The following NXNL1 variants were observed in gnomAD, a reference collection of about 807,000 sequenced individuals.
NXNL1 encodes nucleoredoxin like 1.
A neutral mutation model predicts 7.2 loss-of-function variants in NXNL1; 6 were observed. That is an observed-to-expected ratio of 0.83 (90% confidence interval 0.46 to 1.64). The LOEUF is 1.64. Among genes scored for constraint, NXNL1 ranks in the 40% most tolerant of loss-of-function variants. The pLI is 0.01. For synonymous variants in NXNL1, 133 were observed against 127.2 expected, an observed-to-expected ratio of 1.05 and a Z score of -0.31; for missense variants, 308 against 285.1, an observed-to-expected ratio of 1.08 and a Z score of -0.58.
chr19:17,457,256 T>C (rs376272132), intron 1 of NXNL1, among the ~76,000 whole-genome samples: 48 of 152,200 alleles, frequency 3.2e-4, no homozygotes, highest in African/African-American at 1.1e-3. Flanking sequence ...ATAAATACAC[T>C]AGTTAAATTT....
chr19:17,455,676 C>CA lies in NXNL1; in HGVS notation c.609_610insT (p.Glu204Ter). The CA allele has an allele frequency of 1.6e-6, 2 of 1,244,384 alleles. No homozygotes were observed. The highest frequency in any genetic ancestry group is 2.2e-6 in the Non-Finnish European group (2 of 889,054). The allele number at this position is 1,244,384 out of a possible 1,614,324, so 77.1% of individuals were successfully genotyped here. A position where few individuals can be genotyped will look rare whatever the true frequency, so the allele number is the denominator to read the frequency against. On this transcript the variant is annotated frameshift_variant, in exon 2 of 2. Coordinates refer to ENST00000301944, the MANE Select transcript of NXNL1 (RefSeq NM_138454.2). LOFTEE classifies it high-confidence loss of function. The stretch of plus-strand genomic sequence containing the variant: ...AACAGCCCCCCGGCCCCGCCCTCCT[C>CA]CCCACCCCCTCCCCCGGGGTCGCGC...
chr19:17,457,067 A>AAC (rs1171057580), intron 1 of NXNL1, among the ~76,000 whole-genome samples: 1 of 111,690 alleles, frequency 9.0e-6, no homozygotes, highest in African/African-American at 3.4e-5. Flanking sequence ...AACAACAAAC[A>AAC]ACATATATAT....
intron 1 of NXNL1, among the ~76,000 whole-genome samples, chr19:17,458,103 T>C (rs1418510238): frequency 6.6e-6 from 1 of 152,218 alleles, no homozygotes; most frequent in African/African-American, 2.4e-5. Flanking sequence ...CGTATTTGTA[T>C]TGTAGACAAA....
chr19:17,458,514 T>C (rs1274973129), intron 1 of NXNL1, among the ~76,000 whole-genome samples: 2 of 151,732 alleles, frequency 1.3e-5, no homozygotes, highest in Admixed American at 6.6e-5. Flanking sequence ...AGCCTGAACG[T>C]TTTTTTCATA....
rs1458614685 is a variant in NXNL1, at chr19:17,460,778, T to C, written c.92A>G (p.Glu31Gly). 6.2e-7 allele frequency: 1 copy of C among 1,613,692 alleles called. No individual in the cohort carries two copies. Among genetic ancestry groups the C allele is most frequent in the Non-Finnish European group, 8.5e-7 (1 of 1,180,030 alleles). ...DTEAEVSRRL[E>G]NRLVLLFFGA... ...AAAGAACAGCAGCACCAGCCGGTTCTCCAGCCTGCGACTGACCTCAGCCTC... is the reference window on the plus strand; with the variant it reads ...AAAGAACAGCAGCACCAGCCGGTTCCCCAGCCTGCGACTGACCTCAGCCTC... Residue 31 changes from glutamate to glycine, a missense_variant, in exon 1 of 2, where the codon GAG (glutamate) becomes GGG (glycine). Transcript: ENST00000301944.
chr19:17,457,073 T>G (rs1249550895), intron 1 of NXNL1, among the ~76,000 whole-genome samples: 3 of 142,972 alleles, frequency 2.1e-5, no homozygotes, highest in Non-Finnish European at 4.6e-5. Flanking sequence ...AAACAACATA[T>G]ATATATGACA....
rs1195411700 is a variant in NXNL1 at position 17,455,865 on chromosome 19, T to G, written c.421A>C (p.Ile141Leu). 6 of 1,589,388 alleles carry G rather than the reference T, an allele frequency of 3.8e-6. No individual in the cohort carries two copies. The highest frequency in any genetic ancestry group is 5.1e-6 in the Non-Finnish European group (6 of 1,174,620). Residue 141 changes from isoleucine to leucine, a missense_variant, in exon 2 of 2, where the codon ATC becomes CTC. Coordinates refer to ENST00000301944, the MANE Select transcript of NXNL1 (RefSeq NM_138454.2). The part of the protein sequence containing the change: ...DVLTRDGADE[I>L]QRLGTACFAN... ...AAGCAGGCGGTGCCCAGGCGCTGGA[T>G]CTCGTCGGCGCCGTCGCGAGTGAGC...
At position 17,455,680 on chromosome 19, in the gene NXNL1, A is replaced by ACCC; in HGVS notation, c.603_605dup (p.Gly203dup). ...GCCCCCCGGCCCCGCCCTCCTCCCC[A>ACCC]CCCCCTCCCCCGGGGTCGCGCCCGC... is the stretch of plus-strand genomic sequence containing the variant. On this transcript the variant is annotated inframe_insertion, in exon 2 of 2. Transcript: ENST00000301944. 2 of 413,168 alleles carry ACCC rather than the reference A, an allele frequency of 4.8e-6. No homozygotes were observed. The highest frequency in any genetic ancestry group is 6.9e-6 in the Non-Finnish European group (2 of 291,036). 25.6% of individuals were successfully genotyped at this position (413,168 alleles called of 1,614,324 possible). A position where few individuals can be genotyped will look rare whatever the true frequency, so the allele number is the denominator to read the frequency against.
chr19:17,458,890 C>G (rs8105263), intron 1 of NXNL1, among the ~76,000 whole-genome samples: 32,248 of 151,968 alleles, frequency 0.21, 3,536 homozygotes, highest in African/African-American at 0.26. Context: ...AGGCATGAGC[C>G]ACCGCACCAA....
rs1327422280 is a variant in NXNL1, at chr19:17,457,191, G to A, written c.327-1232C>T. Among the ~76,000 whole-genome samples the A allele has an allele frequency of 2.6e-5, 4 of 151,480 alleles. No individual in the cohort carries two copies. In the East Asian group the frequency reaches 5.8e-4, roughly 22 times the overall value. On this transcript the variant is annotated intron_variant, in intron 1 of 1. Transcript: ENST00000301944. ...GGTGGGAGGATTGCTTGAGCCCAAC[G>A]GTTTGAGACCAGCTTCAGCAACATA...
At chr19:17,457,831 C>T (rs529396397) in intron 1 of NXNL1, among the ~76,000 whole-genome samples, 9 of 152,308 alleles carry the variant, frequency 5.9e-5, no homozygotes, top group Admixed American at 3.9e-4. Context: ...GGGAAGGAAG[C>T]GTTGCTAGCG....
At chr19:17,456,264 A>C (rs1247612708) in intron 1 of NXNL1, among the ~76,000 whole-genome samples, 1 of 151,694 alleles carries the variant, frequency 6.6e-6, no homozygotes, top group Non-Finnish European at 1.5e-5. Context: ...ATCGCAAGAC[A>C]CAAGGTCTTA....
At position 17,460,546 on chromosome 19, in the gene NXNL1, C is replaced by G; in HGVS notation, c.324G>C (p.Arg108Ser). 6.2e-7 allele frequency: 1 copy of G among 1,600,268 alleles called. No homozygotes were observed. Among genetic ancestry groups the G allele is most frequent in the East Asian group, 2.2e-5 (1 of 44,882 alleles). Residue 108 changes from arginine to serine, a missense_variant and splice_region_variant, in exon 1 of 2, where the codon AGG (arginine) becomes AGC (serine). Physicochemically the swap from Arg to Ser is moderately radical, Grantham distance 110. Transcript: ENST00000301944. Reference sequence around the variant, plus strand: ...AAGCCCTCCCTGCCCCTCCTCACCTCCTCAGATCATCCTCAAAGGGCAGGA... The same window carrying G: ...AAGCCCTCCCTGCCCCTCCTCACCTGCTCAGATCATCCTCAAAGGGCAGGA... ...WLFLPFEDDL[R>S]RDLGRQFSVE...
Position 17,455,764 on chromosome 19 carries a change from T to C in NXNL1, c.522A>G (p.Pro174=). The change falls in exon 2 of 2, where the codon CCA becomes CCG. Residue 174 remains proline (P), a synonymous_variant. Coordinates refer to ENST00000301944, the MANE Select transcript of NXNL1 (RefSeq NM_138454.2). The part of the protein sequence containing the change: ...QLPEDLEDQE[P]RSLTECLRRH... ...GGCGCAGGCACTCGGTGAGGCTCCG[T>C]GGCTCCTGGTCCTCCAGGTCCTCTG... The C allele has an allele frequency of 1.3e-6, 2 of 1,532,510 alleles. No homozygotes were observed. Among genetic ancestry groups the C allele is most frequent in the Non-Finnish European group, 1.7e-6 (2 of 1,143,866 alleles). The allele number at this position is 1,532,510 out of a possible 1,614,324, so 94.9% of individuals were successfully genotyped here.
rs1219504339 is a variant in NXNL1, at chr19:17,460,705, C to T, written c.165G>A (p.Lys55=). The change falls in exon 1 of 2, where the codon AAG becomes AAA. Residue 55 remains lysine, a synonymous_variant. Transcript: ENST00000301944. ...PQCQAFVPIL[K]DFFVRLTDEF... Reference sequence around the variant, plus strand: ...CATCTGTGAGCCGCACGAAGAAGTCCTTGAGGATGGGCACGAAGGCCTGGC... The same window carrying T: ...CATCTGTGAGCCGCACGAAGAAGTCTTTGAGGATGGGCACGAAGGCCTGGC... 1 of 1,613,692 alleles carries T rather than the reference C, an allele frequency of 6.2e-7. No homozygotes were observed. The highest frequency in any genetic ancestry group is 1.3e-5 in the African/African-American group (1 of 74,922).
Position 17,455,673 on chromosome 19 carries a change from C to CA in NXNL1, c.612_613insT (p.Glu205Ter). ...CAGAACAGCCCCCCGGCCCCGCCCT[C>CA]CTCCCCACCCCCTCCCCCGGGGTCG... is the stretch of plus-strand genomic sequence containing the variant. On this transcript the variant is annotated frameshift_variant, in exon 2 of 2. Transcript: ENST00000301944. LOFTEE classifies it high-confidence loss of function. 7 of 1,066,634 alleles carry CA rather than the reference C, an allele frequency of 6.6e-6. No homozygotes were observed. The highest frequency in any genetic ancestry group is 8.1e-6 in the Non-Finnish European group (6 of 738,300). The allele number at this position is 1,066,634 out of a possible 1,614,324, so 66.1% of individuals were successfully genotyped here.
chr19:17,455,449 C>T lies in NXNL1; in HGVS notation c.*198G>A, dbSNP rs894875471. 16 of 580,690 alleles carry T rather than the reference C, an allele frequency of 2.8e-5. No homozygotes were observed. The highest frequency in any genetic ancestry group is 4.6e-5 in the Non-Finnish European group (15 of 327,268). The allele number at this position is 580,690 out of a possible 1,614,324, so 36.0% of individuals were successfully genotyped here. A position where few individuals can be genotyped will look rare whatever the true frequency, so the allele number is the denominator to read the frequency against. On this transcript the variant is annotated 3_prime_UTR_variant, in exon 2 of 2. Coordinates refer to ENST00000301944, the MANE Select transcript of NXNL1 (RefSeq NM_138454.2). Reference sequence around the variant, plus strand: ...CTTCAGGGTAGCTAAGCCACAGGTGCGCGCCACCACACCGGGCTAACTTTT... The same window carrying T: ...CTTCAGGGTAGCTAAGCCACAGGTGTGCGCCACCACACCGGGCTAACTTTT...
intron 1 of NXNL1, 58 bp downstream of exon 1, chr19:17,460,486 G>T: frequency 6.4e-7 from 1 of 1,551,210 alleles, no homozygotes; most frequent in Non-Finnish European, 8.7e-7. Context: ...TAGAATGGAT[G>T]CTTCACTTTC....
chr19:17,456,507 A>G (rs2074993910), intron 1 of NXNL1, among the ~76,000 whole-genome samples: 2 of 151,874 alleles, frequency 1.3e-5, no homozygotes, highest in Non-Finnish European at 2.9e-5. Context: ...TCCTGTCTCG[A>G]AAATAGAATA....
Sources: allele counts gnomAD v4.1 joint callset (sites outside exome capture counted in the v4.1 genomes callset), GRCh38; gene constraint gnomAD v4.1.1; transcripts MANE v1.5; gene names NCBI Gene and HGNC (gene_info 2026-07-23, HGNC 2026-07-21).